NXPH1: variants seen among roughly 807,000 people sequenced by gnomAD.
NXPH1 encodes the protein neurexophilin 1.
A neutral mutation model predicts 23.7 loss-of-function variants in NXPH1; 5 were observed. That is an observed-to-expected ratio of 0.21 (90% CI 0.11 to 0.44). The LOEUF (loss-of-function observed/expected upper bound fraction) is 0.44. NXPH1 is among the 20% of genes least tolerant of loss of function. The probability of loss-of-function intolerance (pLI) is 0.99; values close to 1 mark genes in which losing one functional copy is unlikely to be tolerated. For synonymous variants in NXPH1, 144 were observed against 122.2 expected, an observed-to-expected ratio of 1.18 and a Z score of -1.18; for missense variants, 324 against 321.6, an observed-to-expected ratio of 1.01 and a Z score of -0.06.
intron 2 of NXPH1, among the ~76,000 whole-genome samples, chr7:8,579,791 C>T (rs1368428733): frequency 2.6e-5 from 4 of 152,190 alleles, no homozygotes; most frequent in Admixed American, 2.6e-4. Context: ...TGTTGCAGAG[C>T]ATAGATCACA....
chr7:8,684,198 G>A (rs566581080), intron 2 of NXPH1, among the ~76,000 whole-genome samples: 4 of 152,224 alleles, frequency 2.6e-5, no homozygotes, highest in Admixed American at 6.5e-5. Flanking sequence ...AACTTTCTAC[G>A]GTCAGGCTAT....
At chr7:8,513,973 G>A (rs1052169813) in intron 2 of NXPH1, among the ~76,000 whole-genome samples, 2 of 152,116 alleles carry the variant, frequency 1.3e-5, no homozygotes, top group Middle Eastern at 3.4e-3. Flanking sequence ...TCTCTCCTTG[G>A]CTTGTAGAGG....
intron 2 of NXPH1, among the ~76,000 whole-genome samples, chr7:8,557,357 A>T (rs528716840): frequency 1.3e-5 from 2 of 151,888 alleles, no homozygotes; most frequent in South Asian, 4.1e-4. Context: ...ATATCTCATA[A>T]CAATGTCAAT....
intron 2 of NXPH1, among the ~76,000 whole-genome samples, chr7:8,502,877 C>G (rs573710994): frequency 1.3e-5 from 2 of 152,004 alleles, no homozygotes; most frequent in South Asian, 4.2e-4. Context: ...AATACTGTCT[C>G]AGAAGTTTTG....
intron 2 of NXPH1, among the ~76,000 whole-genome samples, chr7:8,511,535 C>T (rs1158276816): frequency 6.6e-6 from 1 of 152,102 alleles, no homozygotes. Context: ...CTTGACATAT[C>T]TCCTTCACTC....
intron 2 of NXPH1, among the ~76,000 whole-genome samples, chr7:8,642,176 G>A (rs544264847): frequency 8.5e-5 from 13 of 152,226 alleles, no homozygotes; most frequent in Non-Finnish European, 1.3e-4. Context: ...TCCTTTTTAC[G>A]GGTACTTTGC....
intron 2 of NXPH1, among the ~76,000 whole-genome samples, chr7:8,710,973 A>T (rs968649267): frequency 6.6e-6 from 1 of 152,166 alleles, no homozygotes; most frequent in Non-Finnish European, 1.5e-5. Context: ...TTACGGTTTT[A>T]TGATAACACA....
intron 2 of NXPH1, among the ~76,000 whole-genome samples, chr7:8,588,043 A>G (rs907170645): frequency 2.0e-5 from 3 of 152,206 alleles, no homozygotes; most frequent in East Asian, 3.9e-4. Context: ...CAAAATGACA[A>G]TGAGATACCA....
chr7:8,481,999 G>A (rs184054496), intron 2 of NXPH1, among the ~76,000 whole-genome samples: 79 of 152,294 alleles, frequency 5.2e-4, no homozygotes, highest in African/African-American at 1.8e-3. Context: ...ATGCAGCCTT[G>A]TTGCCTTTTT....
In NXPH1 at chr7:8,533,109, C is replaced by G. The variant is rs577289282; in HGVS notation, c.54+97342C>G. Among the ~76,000 whole-genome samples the G allele has an allele frequency of 3.5e-4, 53 of 152,182 alleles. No homozygotes were observed. In the South Asian group the frequency reaches 3.9e-3, roughly 11 times the overall value. Reference sequence around the variant, plus strand: ...AACAGGCACAGAGAAATTAAGTGACCTGTTTTAGGTCACACAGCATTGAGG... The same window carrying G: ...AACAGGCACAGAGAAATTAAGTGACGTGTTTTAGGTCACACAGCATTGAGG... On this transcript the variant is annotated intron_variant, in intron 2 of 2. Coordinates refer to ENST00000405863, the MANE Select transcript of NXPH1 (RefSeq NM_152745.3).
chr7:8,621,490 C>CTT (rs113473603), intron 2 of NXPH1, among the ~76,000 whole-genome samples: 139 of 140,284 alleles, frequency 9.9e-4, no homozygotes, highest in African/African-American at 3.4e-3. Flanking sequence ...GCTAGCCACT[C>CTT]TTTTTTTTTT....
Position 8,752,135 on chromosome 7 carries a change from G to T in NXPH1, c.*366G>T. ...AGGATCAACTATCATCAAACGGAAG[G>T]ATTAACTAGACAGAGAATGTTTCTA... On this transcript the variant is annotated 3_prime_UTR_variant, in exon 3 of 3. Transcript: ENST00000405863. 1 of 192,480 alleles carries T rather than the reference G, an allele frequency of 5.2e-6. No individual in the cohort carries two copies. Among genetic ancestry groups the T allele is most frequent in the Non-Finnish European group, 1.1e-5 (1 of 90,978 alleles). 11.9% of individuals were successfully genotyped at this position (192,480 alleles called of 1,614,324 possible).
chr7:8,502,147 T>G (rs1268224914), intron 2 of NXPH1, among the ~76,000 whole-genome samples: 1 of 152,030 alleles, frequency 6.6e-6, no homozygotes, highest in South Asian at 2.1e-4. Context: ...AGCTTCAGCT[T>G]CCCTATCTCA....
At chr7:8,695,601 C>G (rs1013048946) in intron 2 of NXPH1, among the ~76,000 whole-genome samples, 2 of 152,090 alleles carry the variant, frequency 1.3e-5, no homozygotes, top group Admixed American at 6.5e-5. Context: ...AGATATGAAC[C>G]ATTTCAGCCT....
chr7:8,597,664 C>T (rs1266512856), intron 2 of NXPH1, among the ~76,000 whole-genome samples: 2 of 130,968 alleles, frequency 1.5e-5, no homozygotes, highest in African/African-American at 5.9e-5. Context: ...GCCTCCAGCT[C>T]TGCTTATGTA....
chr7:8,532,113 A>G (rs1563337733), intron 2 of NXPH1, among the ~76,000 whole-genome samples: 1 of 152,158 alleles, frequency 6.6e-6, no homozygotes, highest in African/African-American at 2.4e-5. Flanking sequence ...TAGCAAATGA[A>G]CTTTACAACC....
chr7:8,653,064 C>T (rs1289803765), intron 2 of NXPH1, among the ~76,000 whole-genome samples: 5 of 151,854 alleles, frequency 3.3e-5, no homozygotes, highest in Non-Finnish European at 7.4e-5. Context: ...TTTAAGTTTT[C>T]ACAAATCTAT....
intron 2 of NXPH1, among the ~76,000 whole-genome samples, chr7:8,642,578 C>T (rs1820334097): frequency 6.6e-6 from 1 of 151,938 alleles, no homozygotes; most frequent in Non-Finnish European, 1.5e-5. Context: ...TTTAATGTTG[C>T]CTTTTTGACC....
chr7:8,581,956 C>G (rs1328295232), intron 2 of NXPH1, among the ~76,000 whole-genome samples: 1 of 152,162 alleles, frequency 6.6e-6, no homozygotes, highest in Non-Finnish European at 1.5e-5. Context: ...AGATCCTATA[C>G]CTGCCAAGGG....
Sources: gnomAD v4.1 joint callset for allele counts (sites outside exome capture counted in the v4.1 genomes callset) on GRCh38, gnomAD v4.1.1 for gene constraint, MANE v1.5 for transcripts, NCBI Gene and HGNC (gene_info 2026-07-23, HGNC 2026-07-21) for gene names.